Variants in CHCHD3 observed in about 807,000 individuals in gnomAD.
CHCHD3 encodes coiled-coil-helix-coiled-coil-helix domain containing 3.
Under a neutral mutation model 38.2 loss-of-function variants are expected in CHCHD3, and 20 were observed. The observed-to-expected ratio is 0.52, with a 90% confidence interval of 0.37 to 0.76. The LOEUF (loss-of-function observed/expected upper bound fraction) is 0.76, where lower values mean the gene tolerates loss of function less well. CHCHD3 is among the 30% of genes least tolerant of loss of function. The pLI is 0.00. For missense variants in CHCHD3, 245 were observed against 279.2 expected, an observed-to-expected ratio of 0.88 and a Z score of 0.87; for synonymous variants, 82 against 100.0, an observed-to-expected ratio of 0.82 and a Z score of 1.07.
chr7:132,821,201 A>T (rs1807364550), intron 6 of CHCHD3, among the ~76,000 whole-genome samples: 4 of 152,190 alleles, frequency 2.6e-5, no homozygotes. Context: ...AAATTCAACT[A>T]TTGTGACTAC....
intron 6 of CHCHD3, among the ~76,000 whole-genome samples, chr7:132,798,083 T>G (rs1806667809): frequency 6.6e-6 from 1 of 152,144 alleles, no homozygotes; most frequent in South Asian, 2.1e-4. Context: ...AGGAAACGCC[T>G]GGGTGATGAT....
At chr7:133,030,215 T>C (rs536011687) in intron 2 of CHCHD3, among the ~76,000 whole-genome samples, 2 of 152,278 alleles carry the variant, frequency 1.3e-5, no homozygotes, top group Non-Finnish European at 2.9e-5. Flanking sequence ...CATCTAAGCT[T>C]CATGGTATTT....
intron 2 of CHCHD3, among the ~76,000 whole-genome samples, chr7:133,059,013 C>T (rs1814421395): frequency 6.6e-6 from 1 of 152,182 alleles, no homozygotes; most frequent in African/African-American, 2.4e-5. Flanking sequence ...CCAACCCCTA[C>T]CCAGAAGCCA....
rs1191749961 is a variant in CHCHD3, at chr7:132,788,083, T to C, written c.661-2423A>G. Among the ~76,000 whole-genome samples, 1 of 152,206 alleles carries C rather than the reference T, an allele frequency of 6.6e-6. No homozygotes were observed. Among genetic ancestry groups the C allele is most frequent in the Non-Finnish European group, 1.5e-5 (1 of 68,032 alleles). ...TCACAGCGTCACAGCATCTCAGCTA[T>C]GCTCACCTGCTTATGAATTGATCTG... On this transcript the variant is annotated intron_variant, in intron 7 of 7. Transcript: ENST00000262570. The surrounding 1 kb of genome is among the most constrained non-coding windows in gnomAD (Gnocchi z 4.0).
At chr7:132,856,779 T>C (rs556533011) in intron 5 of CHCHD3, among the ~76,000 whole-genome samples, 74 of 152,342 alleles carry the variant, frequency 4.9e-4, no homozygotes, top group African/African-American at 1.7e-3. Context: ...ATTCTTTCTC[T>C]CATCATTTAC....
chr7:132,968,353 G>T (rs571927487), intron 4 of CHCHD3, among the ~76,000 whole-genome samples: 1 of 152,244 alleles, frequency 6.6e-6, no homozygotes, highest in South Asian at 2.1e-4. Flanking sequence ...CTTGCAGATG[G>T]ATTCCAGAGC....
chr7:133,017,036 G>A (rs73724150), intron 3 of CHCHD3, among the ~76,000 whole-genome samples: 1,857 of 152,302 alleles, frequency 0.012, 46 homozygotes, highest in African/African-American at 0.043. Context: ...CCAAATTTGC[G>A]AGAAAATGAC....
chr7:132,963,754 T>C (rs1216129484), intron 4 of CHCHD3, among the ~76,000 whole-genome samples: 2 of 151,704 alleles, frequency 1.3e-5, no homozygotes, highest in African/African-American at 2.4e-5. Flanking sequence ...GTTTTTGCAA[T>C]AGTAGACATA....
intron 3 of CHCHD3, among the ~76,000 whole-genome samples, chr7:133,001,820 T>A (rs190228644): frequency 1.8e-3 from 277 of 152,318 alleles, no homozygotes; most frequent in African/African-American, 6.4e-3. Flanking sequence ...AATGAATGAA[T>A]ACACAGATGG....
intron 3 of CHCHD3, among the ~76,000 whole-genome samples, chr7:133,007,139 C>T (rs1812722063): frequency 6.6e-6 from 1 of 152,052 alleles, no homozygotes; most frequent in African/African-American, 2.4e-5. Flanking sequence ...CTATCATGTG[C>T]CTTGTGATTT....
chr7:133,051,924 A>C (rs1308577235), intron 2 of CHCHD3: 1 of 152,232 alleles, frequency 6.6e-6, no homozygotes, highest in Non-Finnish European at 1.5e-5. Flanking sequence ...TAGAGATAAC[A>C]GTCCATTCCA....
chr7:132,905,112 G>A (rs1809765034), intron 4 of CHCHD3, among the ~76,000 whole-genome samples: 1 of 151,554 alleles, frequency 6.6e-6, no homozygotes, highest in Non-Finnish European at 1.5e-5. Context: ...GTGGGGGGCA[G>A]GGGGAGGGAT....
intron 5 of CHCHD3, among the ~76,000 whole-genome samples, chr7:132,879,716 TAAAAAAAAAAAAAAAAAAAA>T (rs56259114): frequency 7.8e-5 from 3 of 38,430 alleles, no homozygotes; most frequent in Non-Finnish European, 1.3e-4. Context: ...TTGTCAAAAG[TAAAAAAAAAAAAAAAAAAAA>T]AAAAAAAAAA....
intron 3 of CHCHD3, among the ~76,000 whole-genome samples, chr7:133,016,332 G>A (rs1304622539): frequency 6.6e-6 from 1 of 152,148 alleles, no homozygotes; most frequent in Non-Finnish European, 1.5e-5. Flanking sequence ...TTGTAGTTGG[G>A]CATATGGATC....
chr7:132,879,573 C>T (rs780699755), intron 5 of CHCHD3, among the ~76,000 whole-genome samples: 1 of 151,864 alleles, frequency 6.6e-6, no homozygotes, highest in Non-Finnish European at 1.5e-5. Context: ...GTGGCTTCTG[C>T]CCTCTATGAC....
intron 4 of CHCHD3, among the ~76,000 whole-genome samples, chr7:132,963,350 T>C (rs1034857797): frequency 7.4e-6 from 1 of 134,864 alleles, no homozygotes; most frequent in Non-Finnish European, 1.5e-5. Flanking sequence ...TTTTTTTTTT[T>C]GCCAGGCACT....
intron 4 of CHCHD3, among the ~76,000 whole-genome samples, chr7:132,957,448 G>T (rs145308697): frequency 5.9e-5 from 9 of 152,078 alleles, no homozygotes; most frequent in African/African-American, 2.2e-4. Flanking sequence ...GCATCCCGGG[G>T]CACACACCCT....
intron 4 of CHCHD3, among the ~76,000 whole-genome samples, chr7:132,942,766 C>G (rs1383228970): frequency 6.6e-6 from 1 of 152,114 alleles, no homozygotes; most frequent in East Asian, 1.9e-4. Flanking sequence ...TCTGAAAAAG[C>G]ACACAAGTAA....
At chr7:132,892,535 G>C (rs1809387913) in intron 4 of CHCHD3, among the ~76,000 whole-genome samples, 2 of 152,328 alleles carry the variant, frequency 1.3e-5, no homozygotes, top group Admixed American at 6.5e-5. Flanking sequence ...AGATTTGTAA[G>C]ATTAACAAGG....
Sources: gnomAD v4.1 joint callset for allele counts (sites outside exome capture counted in the v4.1 genomes callset) on GRCh38, gnomAD v4.1.1 for gene constraint, Gnocchi (gnomAD v3.1) non-coding constraint, MANE v1.5 for transcripts, NCBI Gene and HGNC (gene_info 2026-07-23, HGNC 2026-07-21) for gene names.